Variants in TRPM4 observed in about 807,000 individuals in gnomAD.
TRPM4 encodes transient receptor potential cation channel subfamily M member 4.
In TRPM4, 124 loss-of-function variants were observed where a neutral mutation model predicts 135.6. The observed-to-expected ratio is 0.91, with a 90% CI of 0.79 to 1.06. TRPM4 has a LOEUF of 1.06. Ranked by LOEUF, TRPM4 falls within the 50% of genes least tolerant of loss-of-function variation. The pLI is 0.00. For missense variants in TRPM4, 1,658 were observed against 1,671.4 expected (o/e 0.99, Z 0.14); for synonymous variants, 745 against 705.6 (o/e 1.06, Z -0.88).
rs144647383 is a variant in TRPM4, at chr19:49,210,786, A to C, written c.3405A>C (p.Ala1135=). ...ESVHKENFLL[A]RARDKRESDS... is the part of the protein sequence containing the mutation. ...TGCATAAGGAGAACTTTCTGCTGGC[A>C]CGCGCTAGGGACAAGCGGGAGAGCG... The change falls in exon 22 of 25, where the codon GCA becomes GCC. Residue 1135 remains alanine, a synonymous_variant. Transcript: ENST00000252826. This position sits in a 1 kb window ranked among gnomAD's most constrained non-coding sequence, Gnocchi z 4.1. 7.8e-4 allele frequency: 1,257 copies of C among 1,613,956 alleles called. 16 individuals are homozygous for C. In the African/African-American group the frequency reaches 0.015, roughly 20 times the overall value.
At chr19:49,173,329 T>G (rs1246860123) in intron 9 of TRPM4, among the ~76,000 whole-genome samples, 1 of 152,088 alleles carries the variant, frequency 6.6e-6, no homozygotes. Flanking sequence ...CATCCATCCA[T>G]CTTCTCACCT....
chr19:49,192,833 C>T lies in TRPM4; in HGVS notation c.2210+2060C>T, dbSNP rs112322421. ...CATGTACCTCTGAACTAAAAATAAA[C>T]GTCAAAAAATAAAAAAAAGAACAAA... On this transcript the variant is annotated intron_variant, in intron 16 of 24. Transcript: ENST00000252826. 3.0e-3 allele frequency among the ~76,000 whole-genome samples: 456 copies of T among 151,540 alleles called. 1 individual carries two copies. The highest frequency in any genetic ancestry group is 0.015 in the East Asian group (77 of 5,150).
intron 9 of TRPM4, among the ~76,000 whole-genome samples, chr19:49,180,278 G>A (rs1172421954): frequency 1.3e-5 from 2 of 151,988 alleles, no homozygotes; most frequent in African/African-American, 4.8e-5. Flanking sequence ...AAATTTTTAA[G>A]GGTTTCTGGT....
intron 9 of TRPM4, among the ~76,000 whole-genome samples, chr19:49,179,960 G>A (rs12462018): frequency 0.27 from 40,402 of 152,000 alleles, 5,509 homozygotes; most frequent in South Asian, 0.37. Flanking sequence ...CCATTTAATA[G>A]ATGAGGAAAC....
chr19:49,189,910 C>T (rs1161045463), intron 14 of TRPM4, among the ~76,000 whole-genome samples: 2 of 152,088 alleles, frequency 1.3e-5, no homozygotes. Flanking sequence ...CTCATGTGTA[C>T]CAAGGAGGAG....
Position 49,196,618 on chromosome 19 carries a change from T to G in TRPM4, c.2389T>G (p.Phe797Val). 7 of 1,553,642 alleles carry G rather than the reference T, an allele frequency of 4.5e-6. No homozygotes were observed. Among genetic ancestry groups the G allele is most frequent in the Non-Finnish European group, 5.2e-6 (6 of 1,151,976 alleles). ...VVSYLLFLLL[F>V]SRVLLVDFQP... ...CAGCTACCTGCTGTTCCTGCTGCTT[T>G]TCTCGCGGGTGCTGCTCGTGGATTT... Residue 797 changes from phenylalanine to valine, a missense_variant, in exon 17 of 25, where the codon TTC becomes GTC. By Grantham distance (50) the Phe-to-Val change is conservative (BLOSUM62 -1). Around this residue, in one of 3 missense-constraint regions of TRPM4, gnomAD observed 1,412 missense variants for 1,408.7 expected, o/e 1.00. Transcript: ENST00000252826.
intron 20 of TRPM4, among the ~76,000 whole-genome samples, chr19:49,206,424 CT>C (rs1327286871): frequency 1.4e-5 from 2 of 147,602 alleles, no homozygotes; most frequent in Non-Finnish European, 3.0e-5. Context: ...TTGGAATTTT[CT>C]TTTTTTTTCC....
rs530584693 is a variant in TRPM4, at chr19:49,195,558, C to T, written c.2211-882C>T. 2.9e-4 allele frequency among the ~76,000 whole-genome samples: 44 copies of T among 151,974 alleles called. No homozygotes were observed. In the South Asian group the frequency reaches 7.9e-3, roughly 27 times the overall value. On this transcript the variant is annotated intron_variant, in intron 16 of 24. Transcript: ENST00000252826. ...GCTAATTTTGTATTTTTAGTAGAGACGGGGTTTCTCCATGTTGGTCAGGCT... is the reference window on the plus strand; with the variant it reads ...GCTAATTTTGTATTTTTAGTAGAGATGGGGTTTCTCCATGTTGGTCAGGCT...
chr19:49,174,919 T>G (rs1389760161), intron 9 of TRPM4, among the ~76,000 whole-genome samples: 1 of 151,396 alleles, frequency 6.6e-6, no homozygotes, highest in Non-Finnish European at 1.5e-5. Context: ...TCTTTTTTTT[T>G]TTGAGATAAG....
chr19:49,197,784 G>T (rs560500118), intron 17 of TRPM4, among the ~76,000 whole-genome samples: 1 of 151,918 alleles, frequency 6.6e-6, no homozygotes, highest in South Asian at 2.1e-4. Context: ...CTGGGTTCAA[G>T]CGATTCTCTT....
rs1300493795 is a variant in TRPM4 at position 49,191,849 on chromosome 19, A to G, written c.2210+1076A>G. Reference sequence around the variant, plus strand: ...TGGAAGGGACAAACATCCAAACTATATCACACGTCCCATCAGGGACTGAGA... The same window carrying G: ...TGGAAGGGACAAACATCCAAACTATGTCACACGTCCCATCAGGGACTGAGA... On this transcript the variant is annotated intron_variant, in intron 16 of 24. Coordinates refer to ENST00000252826, the MANE Select transcript of TRPM4 (RefSeq NM_017636.4). 3.9e-5 allele frequency among the ~76,000 whole-genome samples: 6 copies of G among 152,144 alleles called. No homozygotes were observed. The East Asian group carries it at 1.2e-3, about 29-fold the overall frequency.
chr19:49,171,233 T>G lies in TRPM4; in HGVS notation c.797-124T>G. 5 of 996,516 alleles carry G rather than the reference T, an allele frequency of 5.0e-6. No homozygotes were observed. Among genetic ancestry groups the G allele is most frequent in the South Asian group, 1.3e-5 (1 of 75,202 alleles). The allele number at this position is 996,516 out of a possible 1,614,324, so 61.7% of individuals were successfully genotyped here. A position where few individuals can be genotyped will look rare whatever the true frequency, so the allele number is the denominator to read the frequency against. ...GTAAAAAAAGAAATGACAATTCCAA[T>G]GAGCCTCTGAACAGAAGATTAGGAC... On this transcript the variant is annotated intron_variant, in intron 6 of 24. Transcript: ENST00000252826. This position sits in a 1 kb window ranked among gnomAD's most constrained non-coding sequence, Gnocchi z 4.7.
intron 20 of TRPM4, among the ~76,000 whole-genome samples, chr19:49,205,184 A>G (rs1004329814): frequency 2.6e-5 from 4 of 151,900 alleles, no homozygotes; most frequent in African/African-American, 7.3e-5. Context: ...AATCACAGAA[A>G]TTGTCTCACA....
At chr19:49,194,555 C>G (rs1242338852) in intron 16 of TRPM4, among the ~76,000 whole-genome samples, 1 of 149,624 alleles carries the variant, frequency 6.7e-6, no homozygotes, top group African/African-American at 2.5e-5. Flanking sequence ...TCACTTATTT[C>G]CTTCCTTCCT....
At chr19:49,178,479 C>T (rs911731579) in intron 9 of TRPM4, among the ~76,000 whole-genome samples, 2 of 151,836 alleles carry the variant, frequency 1.3e-5, no homozygotes, top group Non-Finnish European at 2.9e-5. Flanking sequence ...GGAGGCTGGA[C>T]GTGGGACATG....
At chr19:49,190,460 AGGGAGTGCTGT>A (rs781498215) in intron 15 of TRPM4, 140 bp downstream of exon 15, 85 of 870,402 alleles carry the variant, frequency 9.8e-5, no homozygotes, top group Non-Finnish European at 1.3e-4. Context: ...CCCTCCACTA[AGGGAGTGCTGT>A]GGGAGGTGAG....
At chr19:49,169,151 G>A (rs1967354598) in intron 6 of TRPM4, among the ~76,000 whole-genome samples, 1 of 151,460 alleles carries the variant, frequency 6.6e-6, no homozygotes. Context: ...AGTGAGCCGA[G>A]ATCAAGCCAC....
chr19:49,178,980 G>A (rs1484123623), intron 9 of TRPM4, among the ~76,000 whole-genome samples: 5 of 151,684 alleles, frequency 3.3e-5, no homozygotes, highest in Non-Finnish European at 7.4e-5. Flanking sequence ...GGGTGGTCTC[G>A]ATCTCTTGAC....
rs779754917 is a variant in TRPM4, at chr19:49,196,613, T to C, written c.2384T>C (p.Leu795Pro). The change falls in exon 17 of 25, where the codon CTG becomes CCG. Residue 795 changes from leucine to proline, a missense_variant. This residue lies in a region of TRPM4 where 1,412 missense variants were observed against 1,408.7 expected (regional missense o/e 1.00). Coordinates refer to ENST00000252826, the MANE Select transcript of TRPM4 (RefSeq NM_017636.4). ...GTGGTCAGCTACCTGCTGTTCCTGC[T>C]GCTTTTCTCGCGGGTGCTGCTCGTG... ...GNVVSYLLFL[L>P]LFSRVLLVDF... 8.4e-6 allele frequency: 13 copies of C among 1,554,882 alleles called. No homozygotes were observed. The highest frequency in any genetic ancestry group is 1.0e-5 in the Non-Finnish European group (12 of 1,152,506).
Sources: allele counts gnomAD v4.1 joint callset (sites outside exome capture counted in the v4.1 genomes callset), GRCh38; gene constraint gnomAD v4.1.1; regional missense constraint gnomAD v4.1.1; non-coding constraint Gnocchi (gnomAD v3.1); transcripts MANE v1.5; gene names NCBI Gene and HGNC (gene_info 2026-07-23, HGNC 2026-07-21).